The following ATP9B variants were observed in gnomAD, a reference collection of about 807,000 sequenced individuals.
The protein encoded by ATP9B is probable phospholipid-transporting ATPase IIB.
ATP9B carries 110 observed loss-of-function variants against 146.1 expected under a neutral mutation model. The observed-to-expected ratio is 0.75, with a 90% CI of 0.65 to 0.88. The LOEUF (loss-of-function observed/expected upper bound fraction) is 0.88, where lower values mean the gene tolerates loss of function less well. ATP9B is among the 40% of genes least tolerant of loss of function. ATP9B has a pLI of 0.00. For synonymous variants in ATP9B, 604 were observed against 569.7 expected (o/e 1.06, Z -0.86); for missense variants, 1,499 against 1,496.4 (o/e 1.00, Z -0.03).
intron 11 of ATP9B, among the ~76,000 whole-genome samples, chr18:79,234,097 A>T (rs2095817029): frequency 6.6e-6 from 1 of 152,152 alleles, no homozygotes; most frequent in Non-Finnish European, 1.5e-5. Flanking sequence ...TGGTGAAAAC[A>T]AGAGTGGATA....
intron 4 of ATP9B, 143 bp downstream of exon 4, chr18:79,113,497 G>A (rs911523815): frequency 1.7e-6 from 1 of 580,872 alleles, no homozygotes; most frequent in Admixed American, 3.7e-5. Context: ...AAAAGATTTT[G>A]CTGAGTGATT....
intron 5 of ATP9B, among the ~76,000 whole-genome samples, chr18:79,143,585 C>T (rs960312542): frequency 1.3e-5 from 2 of 152,108 alleles, no homozygotes; most frequent in Non-Finnish European, 2.9e-5. Context: ...CGAAGAAATT[C>T]TCCCTCTGTT....
At position 79,126,137 on chromosome 18, in the gene ATP9B, T is replaced by G. The variant is rs550117486; in HGVS notation, c.559-130T>G. 33 of 688,994 alleles carry G rather than the reference T, an allele frequency of 4.8e-5. No individual in the cohort carries two copies. In the African/African-American group the frequency reaches 6.0e-4, roughly 12 times the overall value. The allele number at this position is 688,994 out of a possible 1,614,324, so 42.7% of individuals were successfully genotyped here. ...ATTTCATTGTTACTTTTTGACTTTT[T>G]TGGTTTTCATTTATTTTATGTTTTA... On this transcript the variant is annotated intron_variant, in intron 4 of 29. Coordinates refer to ENST00000426216, the MANE Select transcript of ATP9B (RefSeq NM_198531.5).
chr18:79,137,373 G>T (rs773644248), intron 5 of ATP9B, among the ~76,000 whole-genome samples: 5 of 152,044 alleles, frequency 3.3e-5, no homozygotes, highest in Non-Finnish European at 5.9e-5. Flanking sequence ...ATCTTTTTGG[G>T]TGGTGGATAT....
At chr18:79,230,444 T>A (rs2095780241) in intron 11 of ATP9B, among the ~76,000 whole-genome samples, 1 of 152,100 alleles carries the variant, frequency 6.6e-6, no homozygotes, top group South Asian at 2.1e-4. Context: ...GAGAATCAAA[T>A]CACAAACTCA....
intron 1 of ATP9B, among the ~76,000 whole-genome samples, chr18:79,093,317 G>A (rs2074504469): frequency 6.6e-6 from 1 of 152,136 alleles, no homozygotes; most frequent in African/African-American, 2.4e-5. Context: ...GCTGGATGTA[G>A]ACTTCTGCTT....
At chr18:79,187,357 C>T (rs762335081) in intron 8 of ATP9B, among the ~76,000 whole-genome samples, 3 of 152,294 alleles carry the variant, frequency 2.0e-5, no homozygotes, top group Admixed American at 6.5e-5. Context: ...GACTGCCCCA[C>T]CTCCACACTG....
At position 79,329,203 on chromosome 18, in the gene ATP9B, C is replaced by T; in HGVS notation, c.1836C>T (p.Ser612=). 6.2e-7 allele frequency: 1 copy of T among 1,612,590 alleles called. No homozygotes were observed. Among genetic ancestry groups the T allele is most frequent in the South Asian group, 1.1e-5 (1 of 90,880 alleles). Residue 612 remains serine (S), a synonymous_variant, in exon 16 of 30, where the codon TCC becomes TCT. Coordinates refer to ENST00000426216, the MANE Select transcript of ATP9B (RefSeq NM_198531.5). ...GLTLVSRDLT[S]MQLKTPSGQV... ...CGCTGGTCAGCAGGGACCTCACCTC[C>T]ATGCAGCTGAAGACCCCCAGTGGCC...
intron 17 of ATP9B, among the ~76,000 whole-genome samples, 183 bp downstream of exon 17, chr18:79,330,287 C>G (rs151005047): frequency 6.6e-6 from 1 of 152,128 alleles, no homozygotes; most frequent in Non-Finnish European, 1.5e-5. Flanking sequence ...AAATGTCAAA[C>G]CAGATGCTGA....
chr18:79,185,758 C>T (rs2095302290), intron 8 of ATP9B, among the ~76,000 whole-genome samples: 2 of 152,102 alleles, frequency 1.3e-5, no homozygotes, highest in South Asian at 2.1e-4. Context: ...TTCTGACATT[C>T]GTGTCTCTCG....
chr18:79,120,958 G>A (rs1233200326), intron 4 of ATP9B, among the ~76,000 whole-genome samples: 1 of 152,148 alleles, frequency 6.6e-6, no homozygotes, highest in Non-Finnish European at 1.5e-5. Context: ...GAAATTGCTT[G>A]GAATCATCCA....
At chr18:79,136,820 G>T (rs1189581646) in intron 5 of ATP9B, among the ~76,000 whole-genome samples, 6 of 152,182 alleles carry the variant, frequency 3.9e-5, no homozygotes, top group Non-Finnish European at 7.3e-5. Context: ...CAGCATGGCT[G>T]GGGAAGGCCT....
intron 15 of ATP9B, among the ~76,000 whole-genome samples, chr18:79,328,588 C>T (rs1196055798): frequency 6.6e-6 from 1 of 152,182 alleles, no homozygotes; most frequent in African/African-American, 2.4e-5. Flanking sequence ...CACACTTGGG[C>T]TTAGAACCCA....
chr18:79,287,057 A>G (rs1369193403), intron 13 of ATP9B, among the ~76,000 whole-genome samples: 4 of 152,198 alleles, frequency 2.6e-5, no homozygotes, highest in East Asian at 3.8e-4. Context: ...AGTGTTCATC[A>G]AGGATACTGG....
At chr18:79,133,791 T>G (rs1054485402) in intron 5 of ATP9B, among the ~76,000 whole-genome samples, 2 of 152,234 alleles carry the variant, frequency 1.3e-5, no homozygotes, top group African/African-American at 4.8e-5. Context: ...GAGATACTTC[T>G]TAGTCACTAA....
intron 1 of ATP9B, chr18:79,095,881 T>A (rs1243004013): frequency 6.6e-6 from 1 of 152,212 alleles, no homozygotes; most frequent in African/African-American, 2.4e-5. Context: ...CTTTAAAAGG[T>A]CTGCTGGTTG....
At chr18:79,133,718 A>G (rs1413059601) in intron 5 of ATP9B, among the ~76,000 whole-genome samples, 2 of 152,140 alleles carry the variant, frequency 1.3e-5, no homozygotes, top group Non-Finnish European at 2.9e-5. Flanking sequence ...AAGTCTTTCC[A>G]TCCTTCCTTT....
intron 13 of ATP9B, among the ~76,000 whole-genome samples, chr18:79,281,010 A>G (rs2096370537): frequency 6.6e-6 from 1 of 152,184 alleles, no homozygotes; most frequent in Non-Finnish European, 1.5e-5. Context: ...TTAAATAGAA[A>G]AACAAGAAAG....
intron 12 of ATP9B, among the ~76,000 whole-genome samples, chr18:79,265,096 TTGTTCTCTTCTGTG>T (rs2145413437): frequency 6.6e-6 from 1 of 152,330 alleles, no homozygotes; most frequent in Admixed American, 6.5e-5. Context: ...CCAGTGTGCG[TTGTTCTCTTCTGTG>T]TGTTCTCACA....
Sources: allele counts gnomAD v4.1 joint callset (sites outside exome capture counted in the v4.1 genomes callset), GRCh38; gene constraint gnomAD v4.1.1; transcripts MANE v1.5; gene names NCBI Gene and HGNC (gene_info 2026-07-23, HGNC 2026-07-21).